The following RIMS1 variants were observed in gnomAD, a reference collection of about 807,000 sequenced individuals.
RIMS1 encodes the protein regulating synaptic membrane exocytosis 1.
RIMS1 carries 83 observed loss-of-function variants against 214.1 expected under a neutral mutation model. The observed-to-expected ratio is 0.39, with a 90% CI of 0.32 to 0.47. The LOEUF is 0.47. RIMS1 is among the 20% of genes least tolerant of loss of function. The pLI is 0.99. For missense variants in RIMS1, 2,050 were observed against 2,161.8 expected, an observed-to-expected ratio of 0.95 and a Z score of 1.03; for synonymous variants, 793 against 786.8, an observed-to-expected ratio of 1.01 and a Z score of -0.13.
At chr6:72,133,866 G>A (rs745508799) in intron 4 of RIMS1, among the ~76,000 whole-genome samples, 2 of 152,132 alleles carry the variant, frequency 1.3e-5, no homozygotes, top group Non-Finnish European at 2.9e-5. Flanking sequence ...TAGTTACAGA[G>A]GGTGGGATAT....
intron 4 of RIMS1, among the ~76,000 whole-genome samples, chr6:72,153,016 ATG>A (rs67510527): frequency 0.95 from 123,382 of 129,730 alleles, 58,736 homozygotes; most frequent in East Asian, 1. Context: ...ATGTATATAT[ATG>A]TGTGTGTGTA....
In RIMS1 at chr6:72,214,228, TGTTTA is replaced by T. The variant is rs377179959; in HGVS notation, c.1679-19539_1679-19535del. On this transcript the variant is annotated intron_variant, in intron 6 of 33. Transcript: ENST00000521978. Reference sequence around the variant, plus strand: ...GAATACCATTTTGATTAATAAACCCTGTTTAGTTTATTAAATTGCATTTCTAACAG... The same window carrying T: ...GAATACCATTTTGATTAATAAACCCTGTTTATTAAATTGCATTTCTAACAG... Among the ~76,000 whole-genome samples, 372 of 152,332 alleles carry T rather than the reference TGTTTA, an allele frequency of 2.4e-3. 1 individual carries two copies. The highest frequency in any genetic ancestry group is 0.02 in the Middle Eastern group (6 of 294).
chr6:72,016,436 C>G (rs1175784973), intron 2 of RIMS1, among the ~76,000 whole-genome samples: 1 of 152,062 alleles, frequency 6.6e-6, no homozygotes, highest in Admixed American at 6.6e-5. Context: ...TTTACAGATA[C>G]TTTGTTTCTT....
chr6:72,261,068 C>T (rs2077756232), intron 19 of RIMS1: 2 of 1,214,140 alleles, frequency 1.6e-6, no homozygotes, highest in East Asian at 5.2e-5. Flanking sequence ...ATTCTAAATG[C>T]TCACTGTGAG....
At position 72,398,361 on chromosome 6, in the gene RIMS1, G is replaced by T. The variant is rs754812832; in HGVS notation, c.4720+11G>T. The T allele has an allele frequency of 1.0e-5, 16 of 1,548,248 alleles. No homozygotes were observed. Among genetic ancestry groups the T allele is most frequent in the African/African-American group, 1.4e-5 (1 of 73,322 alleles). Reference sequence around the variant, plus strand: ...CCAAATCTACACCTGGTAAGGAGAAGTATTCCTGAATTTGGTGAAGGGACT... The same window carrying T: ...CCAAATCTACACCTGGTAAGGAGAATTATTCCTGAATTTGGTGAAGGGACT... On this transcript the variant is annotated intron_variant, in intron 32 of 33. Transcript: ENST00000521978.
chr6:72,181,422 G>A (rs2048383890), intron 5 of RIMS1, among the ~76,000 whole-genome samples: 2 of 152,318 alleles, frequency 1.3e-5, no homozygotes, highest in East Asian at 3.9e-4. Context: ...AAATACTGAA[G>A]CTGCAGTTTG....
chr6:72,062,286 A>AT (rs985885513), intron 2 of RIMS1, among the ~76,000 whole-genome samples: 5 of 150,906 alleles, frequency 3.3e-5, no homozygotes, highest in Non-Finnish European at 5.9e-5. Context: ...TTTGGTCTGT[A>AT]TTTTTTTTTC....
chr6:72,097,217 C>A (rs1262257598), intron 3 of RIMS1, 55 bp downstream of exon 3: 4 of 1,476,720 alleles, frequency 2.7e-6, no homozygotes, highest in South Asian at 2.3e-5. Context: ...AACTATTACG[C>A]CTTCCAAACA....
At chr6:72,334,709 CA>C (rs2096781542) in intron 29 of RIMS1, among the ~76,000 whole-genome samples, 1 of 151,810 alleles carries the variant, frequency 6.6e-6, no homozygotes, top group African/African-American at 2.4e-5. Flanking sequence ...TTACTTATAC[CA>C]AAAAGCTTTC....
At chr6:72,195,402 A>T (rs11756248) in intron 6 of RIMS1, among the ~76,000 whole-genome samples, 27,726 of 152,084 alleles carry the variant, frequency 0.18, 3,075 homozygotes, top group Non-Finnish European at 0.25. Flanking sequence ...AGGTTTCTGG[A>T]TTAGTCTAAG....
intron 19 of RIMS1, 59 bp from the exon 20 acceptor site, chr6:72,264,916 T>C: frequency 9.4e-7 from 1 of 1,061,568 alleles, no homozygotes; most frequent in Non-Finnish European, 1.4e-6. Context: ...AATATCTTAA[T>C]AAAATTGGTT....
intron 2 of RIMS1, among the ~76,000 whole-genome samples, chr6:71,977,944 G>A (rs1797570436): frequency 2.0e-5 from 3 of 152,150 alleles, no homozygotes; most frequent in South Asian, 4.1e-4. Context: ...CGTAGCAAAC[G>A]GGTTGTAAGG....
intron 1 of RIMS1, among the ~76,000 whole-genome samples, chr6:71,926,856 C>A (rs1781720000): frequency 6.6e-6 from 1 of 152,042 alleles, no homozygotes; most frequent in Admixed American, 6.6e-5. Flanking sequence ...CCTAGACCAG[C>A]AGAGATAATA....
intron 4 of RIMS1, among the ~76,000 whole-genome samples, chr6:72,141,438 G>A (rs950389586): frequency 6.6e-6 from 1 of 151,934 alleles, no homozygotes; most frequent in Non-Finnish European, 1.5e-5. Flanking sequence ...TAGTAAATCT[G>A]ATAATCCATT....
chr6:72,231,570 A>G (rs540357430), intron 6 of RIMS1, among the ~76,000 whole-genome samples: 9 of 151,696 alleles, frequency 5.9e-5, no homozygotes, highest in Non-Finnish European at 1.3e-4. Flanking sequence ...GGGATACTGT[A>G]TGAGTCCTGG....
chr6:72,024,615 A>G (rs1248874535), intron 2 of RIMS1, among the ~76,000 whole-genome samples: 2 of 152,130 alleles, frequency 1.3e-5, no homozygotes, highest in Non-Finnish European at 2.9e-5. Flanking sequence ...TCTGCAGATG[A>G]TCACTAGGCT....
At chr6:72,013,515 T>C (rs1484716423) in intron 2 of RIMS1, among the ~76,000 whole-genome samples, 1 of 152,168 alleles carries the variant, frequency 6.6e-6, no homozygotes, top group Non-Finnish European at 1.5e-5. Context: ...GAACATATGA[T>C]GACAATATAC....
chr6:72,169,207 T>G (rs1185157297), intron 4 of RIMS1, among the ~76,000 whole-genome samples: 1 of 152,160 alleles, frequency 6.6e-6, no homozygotes, highest in Non-Finnish European at 1.5e-5. Context: ...CTATTTATAT[T>G]TTTATCTTAT....
chr6:72,062,853 A>G (rs748603056), intron 2 of RIMS1, among the ~76,000 whole-genome samples: 1 of 151,918 alleles, frequency 6.6e-6, no homozygotes, highest in Non-Finnish European at 1.5e-5. Context: ...CCATCTTCAC[A>G]AGGCACATCA....
Sources: allele counts gnomAD v4.1 joint callset (sites outside exome capture counted in the v4.1 genomes callset), GRCh38; gene constraint gnomAD v4.1.1; transcripts MANE v1.5; gene names NCBI Gene and HGNC (gene_info 2026-07-23, HGNC 2026-07-21).